The following DEFB112 variants were observed in gnomAD, a reference collection of about 807,000 sequenced individuals.
DEFB112 encodes defensin beta 112.
DEFB112 carries 2 observed loss-of-function variants against 1.1 expected under a neutral mutation model. The observed-to-expected ratio is 1.85, with a 90% CI of 0.76 to 5.83. The LOEUF (loss-of-function observed/expected upper bound fraction) is 5.83. DEFB112 is among the 30% of genes most tolerant of loss of function. The pLI is 0.05. For synonymous variants in DEFB112, 40 were observed against 31.2 expected (o/e 1.28, Z -0.93); for missense variants, 120 against 94.4 (o/e 1.27, Z -1.12).
rs545713115 is a variant in DEFB112, at chr6:50,043,748, T to C, written c.112A>G (p.Ile38Val). 2 of 1,613,536 alleles carry C rather than the reference T, an allele frequency of 1.2e-6. No homozygotes were observed. Among genetic ancestry groups the C allele is most frequent in the East Asian group, 4.5e-5 (2 of 44,836 alleles). Residue 38 changes from isoleucine (I) to valine (V), a missense_variant, in exon 2 of 2, where the codon ATT (isoleucine) becomes GTT (valine). By Grantham distance (29) the Ile-to-Val change is conservative. Transcript: ENST00000651554. ...CATTGATTTTTACATCGACCTCCAATCGCTGTACATGACTTCCACCTACTA... is the reference window on the plus strand; with the variant it reads ...CATTGATTTTTACATCGACCTCCAACCGCTGTACATGACTTCCACCTACTA... The part of the protein sequence containing the change: ...TFSRWKSCTA[I>V]GGRCKNQCDD...
chr6:50,046,794 G>C (rs1400065758), intron 1 of DEFB112, among the ~76,000 whole-genome samples: 2 of 152,110 alleles, frequency 1.3e-5, no homozygotes, highest in Admixed American at 6.6e-5. Flanking sequence ...AGGAAATTTT[G>C]CCATTGAAGT....
intron 1 of DEFB112, among the ~76,000 whole-genome samples, chr6:50,045,710 C>T (rs1056402365): frequency 6.6e-6 from 1 of 152,142 alleles, no homozygotes; most frequent in African/African-American, 2.4e-5. Context: ...CTATCACATA[C>T]CTAGGCTGTA....
chr6:50,044,570 T>C (rs980432884), intron 1 of DEFB112, among the ~76,000 whole-genome samples: 1 of 152,138 alleles, frequency 6.6e-6, no homozygotes, highest in Non-Finnish European at 1.5e-5. Context: ...AAGGTCTCTC[T>C]GTCACTAACA....
rs1253672035 is a variant in DEFB112 at position 50,043,217 on chromosome 6, T to C, written c.*358A>G. 6.6e-6 allele frequency among the ~76,000 whole-genome samples: 1 copy of C among 152,100 alleles called. No individual in the cohort carries two copies. ...TTCAGGGGTCACATCTCTTATCAAC[T>C]CTGTCCCCACTCCTGAGTCTCCTCA... On this transcript the variant is annotated 3_prime_UTR_variant, in exon 2 of 2. Coordinates refer to ENST00000651554, the MANE Select transcript of DEFB112 (RefSeq NM_001369057.2).
rs1330518615 is a variant in DEFB112 at position 50,043,717 on chromosome 6, T to A, written c.143A>T (p.Asp48Val). 1.2e-6 allele frequency: 2 copies of A among 1,613,430 alleles called. No individual in the cohort carries two copies. Among genetic ancestry groups the A allele is most frequent in the Admixed American group, 3.3e-5 (2 of 59,950 alleles). Residue 48 changes from aspartate (D) to valine (V), a missense_variant, in exon 2 of 2, where the codon GAT becomes GTT. Coordinates refer to ENST00000651554, the MANE Select transcript of DEFB112 (RefSeq NM_001369057.2). ...IGGRCKNQCD[D>V]SEFRISYCAR... ...ACAGTATGAAATCCTAAATTCACTA[T>A]CATCACATTGATTTTTACATCGACC...
chr6:50,049,383 C>T (rs961314263), intron 1 of DEFB112, among the ~76,000 whole-genome samples: 3 of 152,104 alleles, frequency 2.0e-5, no homozygotes, highest in African/African-American at 7.2e-5. Flanking sequence ...TTTAGCAAGA[C>T]ATTTTATCTG....
chr6:50,043,902 A>C, intron 1 of DEFB112, 101 bp from the exon 2 acceptor site: 1 of 993,914 alleles, frequency 1.0e-6, no homozygotes, highest in Non-Finnish European at 1.5e-6. Flanking sequence ...AGGAGAAATA[A>C]AGGAAATGGA....
rs1409514488 is a variant in DEFB112 at position 50,042,369 on chromosome 6, A to G, written c.*1206T>C. The stretch of plus-strand genomic sequence containing the variant: ...ACTGTGTACAGGATATGTTTTGGTT[A>G]TAAGATTAACCCAAAGCTGAAATGT... On this transcript the variant is annotated 3_prime_UTR_variant, in exon 2 of 2. Coordinates refer to ENST00000651554, the MANE Select transcript of DEFB112 (RefSeq NM_001369057.2). Among the ~76,000 whole-genome samples, 2 of 152,044 alleles carry G rather than the reference A, an allele frequency of 1.3e-5. No homozygotes were observed. The highest frequency in any genetic ancestry group is 1.3e-4 in the Admixed American group (2 of 15,238).
chr6:50,046,673 A>G (rs1213962442), intron 1 of DEFB112, among the ~76,000 whole-genome samples: 1 of 151,812 alleles, frequency 6.6e-6, no homozygotes, highest in Non-Finnish European at 1.5e-5. Flanking sequence ...TTTCTTATTT[A>G]TTTATTAGAA....
rs767552165 is a variant in DEFB112 at position 50,043,573 on chromosome 6, C to T, written c.*2G>A. On this transcript the variant is annotated 3_prime_UTR_variant, in exon 2 of 2. Transcript: ENST00000651554. The stretch of plus-strand genomic sequence containing the variant: ...GTATCATCTTCTTGTGCATGGATTT[C>T]TTCAATGACGTGAGTCTTTAGGGTA... 2 of 1,610,008 alleles carry T rather than the reference C, an allele frequency of 1.2e-6. No individual in the cohort carries two copies. Among genetic ancestry groups the T allele is most frequent in the African/African-American group, 1.3e-5 (1 of 74,800 alleles).
intron 1 of DEFB112, among the ~76,000 whole-genome samples, chr6:50,048,155 A>AT (rs1030382083): frequency 3.3e-5 from 5 of 152,044 alleles, no homozygotes; most frequent in African/African-American, 1.2e-4. Context: ...CTCAAAAAAA[A>AT]AAAAATAAAT....
chr6:50,043,535 A>G lies in DEFB112; in HGVS notation c.*40T>C. On this transcript the variant is annotated 3_prime_UTR_variant, in exon 2 of 2. Transcript: ENST00000651554. ...AATGAAGTGATGAAATAATGAGAGG[A>G]CTTCATTCAGATGTATCATCTTCTT... 1 of 1,488,266 alleles carries G rather than the reference A, an allele frequency of 6.7e-7. No individual in the cohort carries two copies. The highest frequency in any genetic ancestry group is 9.3e-7 in the Non-Finnish European group (1 of 1,070,518). The allele number at this position is 1,488,266 out of a possible 1,614,324, so 92.2% of individuals were successfully genotyped here. A position where few individuals can be genotyped will look rare whatever the true frequency, so the allele number is the denominator to read the frequency against.
chr6:50,049,429 A>G (rs1278044378), intron 1 of DEFB112, among the ~76,000 whole-genome samples: 1 of 152,148 alleles, frequency 6.6e-6, no homozygotes, highest in East Asian at 1.9e-4. Flanking sequence ...GTGGGGATCA[A>G]TGATTTCCAA....
chr6:50,042,742 T>G lies in DEFB112; in HGVS notation c.*833A>C, dbSNP rs1175916190. On this transcript the variant is annotated 3_prime_UTR_variant, in exon 2 of 2. Transcript: ENST00000651554. Reference sequence around the variant, plus strand: ...AATTTAGCCTTTGTTAACACATCCTTGCCACATAAATCCTGGGTATGACAA... The same window carrying G: ...AATTTAGCCTTTGTTAACACATCCTGGCCACATAAATCCTGGGTATGACAA... Among the ~76,000 whole-genome samples the G allele has an allele frequency of 1.3e-5, 2 of 151,970 alleles. No homozygotes were observed. The highest frequency in any genetic ancestry group is 4.8e-5 in the African/African-American group (2 of 41,396).
In DEFB112 at chr6:50,042,966, C is replaced by T. The variant is rs1271170830; in HGVS notation, c.*609G>A. Among the ~76,000 whole-genome samples the T allele has an allele frequency of 2.0e-5, 3 of 151,964 alleles. No individual in the cohort carries two copies. Among genetic ancestry groups the T allele is most frequent in the East Asian group, 1.9e-4 (1 of 5,196 alleles). ...AAAGTTAATCATAATTTCACATTATCGTTATTGCCACAAGCTACAGGGATT... is the reference window on the plus strand; with the variant it reads ...AAAGTTAATCATAATTTCACATTATTGTTATTGCCACAAGCTACAGGGATT... On this transcript the variant is annotated 3_prime_UTR_variant, in exon 2 of 2. Coordinates refer to ENST00000651554, the MANE Select transcript of DEFB112 (RefSeq NM_001369057.2).
chr6:50,045,616 A>G (rs760334395), intron 1 of DEFB112, among the ~76,000 whole-genome samples: 23 of 152,146 alleles, frequency 1.5e-4, no homozygotes, highest in Non-Finnish European at 4.4e-5. Flanking sequence ...GGACAGGGAT[A>G]TGTTTTGAGA....
rs1329823294 is a variant in DEFB112, at chr6:50,043,895, A to G, written c.59-94T>C. 3.7e-6 allele frequency: 4 copies of G among 1,079,972 alleles called. No homozygotes were observed. The South Asian group carries it at 4.2e-5, about 11-fold the overall frequency. The allele number at this position is 1,079,972 out of a possible 1,614,324, so 66.9% of individuals were successfully genotyped here. A position where few individuals can be genotyped will look rare whatever the true frequency, so the allele number is the denominator to read the frequency against. The stretch of plus-strand genomic sequence containing the variant: ...TGGGAGTAATCACAGACAACAGAGG[A>G]GAAATAAAGGAAATGGATATTTGCT... On this transcript the variant is annotated intron_variant, in intron 1 of 1. Transcript: ENST00000651554.
At chr6:50,048,784 G>T in intron 1 of DEFB112, 1 of 589,554 alleles carries the variant, frequency 1.7e-6, no homozygotes. Flanking sequence ...TATTATAAAA[G>T]GTTTTACAAA....
At position 50,043,494 on chromosome 6, in the gene DEFB112, G is replaced by C; in HGVS notation, c.*81C>G. The C allele has an allele frequency of 9.6e-7, 1 of 1,042,492 alleles. No homozygotes were observed. Among genetic ancestry groups the C allele is most frequent in the South Asian group, 1.4e-5 (1 of 71,024 alleles). The allele number at this position is 1,042,492 out of a possible 1,614,324, so 64.6% of individuals were successfully genotyped here. A position where few individuals can be genotyped will look rare whatever the true frequency, so the allele number is the denominator to read the frequency against. ...TATTCATTATAGGTATGCATGCATGGAAATTATAGGTCATTAATGAAGTGA... is the reference window on the plus strand; with the variant it reads ...TATTCATTATAGGTATGCATGCATGCAAATTATAGGTCATTAATGAAGTGA... On this transcript the variant is annotated 3_prime_UTR_variant, in exon 2 of 2. Coordinates refer to ENST00000651554, the MANE Select transcript of DEFB112 (RefSeq NM_001369057.2).
Sources: gnomAD v4.1 joint callset for allele counts (sites outside exome capture counted in the v4.1 genomes callset) on GRCh38, gnomAD v4.1.1 for gene constraint, MANE v1.5 for transcripts, NCBI Gene and HGNC (gene_info 2026-07-23, HGNC 2026-07-21) for gene names.